Variants in TPCN1 observed in about 807,000 individuals in gnomAD.
TPCN1 encodes the protein two pore segment channel 1.
TPCN1 carries 52 observed loss-of-function variants against 108.8 expected under a neutral mutation model. That is an observed-to-expected ratio of 0.48 (90% CI 0.38 to 0.60). The LOEUF is 0.60. Ranked by LOEUF, TPCN1 falls within the 20% of genes least tolerant of loss-of-function variation. The pLI, the probability that TPCN1 is intolerant of heterozygous loss-of-function variation, is 0.00. For synonymous variants in TPCN1, 446 were observed against 433.7 expected, an observed-to-expected ratio of 1.03 and a Z score of -0.35; for missense variants, 806 against 1,072.8, an observed-to-expected ratio of 0.75 and a Z score of 3.47.
intron 3 of TPCN1, among the ~76,000 whole-genome samples, chr12:113,262,549 T>A (rs1367362261): frequency 6.6e-6 from 1 of 152,188 alleles, no homozygotes; most frequent in East Asian, 1.9e-4. Context: ...AACAGAATGT[T>A]TTAGGGAAAT....
intron 22 of TPCN1, among the ~76,000 whole-genome samples, 160 bp from the exon 23 acceptor site, chr12:113,290,792 G>A (rs1956242060): frequency 1.3e-5 from 2 of 152,230 alleles, no homozygotes; most frequent in African/African-American, 2.4e-5. Context: ...CGCCCTAGGA[G>A]TGCCTTGCCT....
In TPCN1 at chr12:113,289,223, CGGACACGTGCA is replaced by C. The variant is rs1290908996; in HGVS notation, c.1796+380_1796+390del. 6.6e-6 allele frequency among the ~76,000 whole-genome samples: 1 copy of C among 152,180 alleles called. No individual in the cohort carries two copies. The highest frequency in any genetic ancestry group is 1.5e-5 in the Non-Finnish European group (1 of 68,042). On this transcript the variant is annotated intron_variant, in intron 21 of 27. Coordinates refer to ENST00000335509, the MANE Select transcript of TPCN1 (RefSeq NM_017901.6). The surrounding 1 kb of genome is among the most constrained non-coding windows in gnomAD (Gnocchi z 4.1). The stretch of plus-strand genomic sequence containing the variant: ...GGACAGCATCGTAGGATAAGACAGA[CGGACACGTGCA>C]GGAAGGTCATGGTGCTCAGGGATGG...
rs894520642 is a variant in TPCN1, at chr12:113,242,114, A to C, written c.112+15150A>C. The stretch of plus-strand genomic sequence containing the variant: ...TCCATCTCAGGAAGGAGGATTAGAC[A>C]ATAAAAATGACCGTGGCGGCCCCTG... On this transcript the variant is annotated intron_variant, in intron 2 of 27. Transcript: ENST00000335509. Among the ~76,000 whole-genome samples, 5 of 152,316 alleles carry C rather than the reference A, an allele frequency of 3.3e-5. No homozygotes were observed. In the East Asian group the frequency reaches 7.7e-4, roughly 23 times the overall value.
chr12:113,277,326 C>A lies in TPCN1; in HGVS notation c.1146C>A (p.Thr382=). ...PRMSARERYL[T]FKALNQNNTP... ...TGAGTGCCAGGGAGCGCTATCTTACCTTCAAGGCCCTGAATCAGAACAACA... is the reference window on the plus strand; with the variant it reads ...TGAGTGCCAGGGAGCGCTATCTTACATTCAAGGCCCTGAATCAGAACAACA... Residue 382 remains threonine (T), a synonymous_variant, in exon 12 of 28, where the codon ACC becomes ACA. Coordinates refer to ENST00000335509, the MANE Select transcript of TPCN1 (RefSeq NM_017901.6). 6.2e-7 allele frequency: 1 copy of A among 1,614,192 alleles called. No homozygotes were observed. The highest frequency in any genetic ancestry group is 8.5e-7 in the Non-Finnish European group (1 of 1,180,032).
chr12:113,247,583 G>A (rs935616044), intron 2 of TPCN1, among the ~76,000 whole-genome samples: 5 of 152,232 alleles, frequency 3.3e-5, no homozygotes, highest in Non-Finnish European at 7.3e-5. Context: ...CACTCCACGA[G>A]GTGGCCCAGC....
intron 2 of TPCN1, among the ~76,000 whole-genome samples, chr12:113,233,224 G>C (rs1436514444): frequency 6.6e-6 from 1 of 152,150 alleles, no homozygotes; most frequent in Non-Finnish European, 1.5e-5. Context: ...CACACAAGAC[G>C]CTGCCGCTCT....
At position 113,226,819 on chromosome 12, in the gene TPCN1, A is replaced by G. The variant is rs142521727; in HGVS notation, c.-34A>G. On this transcript the variant is annotated 5_prime_UTR_variant, in exon 2 of 28. Coordinates refer to ENST00000335509, the MANE Select transcript of TPCN1 (RefSeq NM_017901.6). Reference sequence around the variant, plus strand: ...AACCAGAGACTATTTCAAGCCCTGGATATCATATCCTGAGGGCCACAGGAG... The same window carrying G: ...AACCAGAGACTATTTCAAGCCCTGGGTATCATATCCTGAGGGCCACAGGAG... 5 of 1,613,930 alleles carry G rather than the reference A, an allele frequency of 3.1e-6. No individual in the cohort carries two copies. The highest frequency in any genetic ancestry group is 4.2e-6 in the Non-Finnish European group (5 of 1,179,996).
chr12:113,269,959 G>A lies in TPCN1; in HGVS notation c.748+114G>A. ...CGCCTGTAATCCTAGCATTTTGGGA[G>A]GCCAAGGTGGGTGGGTAACCTAGGT... On this transcript the variant is annotated intron_variant, in intron 7 of 27. Transcript: ENST00000335509. This position sits in a 1 kb window ranked among gnomAD's most constrained non-coding sequence, Gnocchi z 5.0. The A allele has an allele frequency of 8.8e-7, 1 of 1,140,246 alleles. No homozygotes were observed. Among genetic ancestry groups the A allele is most frequent in the Non-Finnish European group, 1.3e-6 (1 of 780,650 alleles). 70.6% of individuals were successfully genotyped at this position (1,140,246 alleles called of 1,614,324 possible).
Position 113,284,485 on chromosome 12 carries a change from G to T in TPCN1, c.1343-96G>T. 1 of 1,396,188 alleles carries T rather than the reference G, an allele frequency of 7.2e-7. No homozygotes were observed. The highest frequency in any genetic ancestry group is 1.2e-5 in the South Asian group (1 of 84,856). 86.5% of individuals were successfully genotyped at this position (1,396,188 alleles called of 1,614,324 possible). On this transcript the variant is annotated intron_variant, in intron 15 of 27. Coordinates refer to ENST00000335509, the MANE Select transcript of TPCN1 (RefSeq NM_017901.6). This position sits in a 1 kb window ranked among gnomAD's most constrained non-coding sequence, Gnocchi z 4.1. ...GCAGCCCTGTTCTCCCCATCCCGTAGAGCTCCAGGAAGTTAACCAGGGACT... is the reference window on the plus strand; with the variant it reads ...GCAGCCCTGTTCTCCCCATCCCGTATAGCTCCAGGAAGTTAACCAGGGACT...
In TPCN1 at chr12:113,273,993, T is replaced by C. The variant is rs983153400; in HGVS notation, c.942+325T>C. ...AGTTGACCCTCGGTGTCCACAGGGA[T>C]TGTTTGCAGGACCCCCTGTAGGTAC... is the stretch of plus-strand genomic sequence containing the variant. On this transcript the variant is annotated intron_variant, in intron 10 of 27. Transcript: ENST00000335509. This position sits in a 1 kb window ranked among gnomAD's most constrained non-coding sequence, Gnocchi z 4.0. Among the ~76,000 whole-genome samples the C allele has an allele frequency of 6.6e-6, 1 of 152,190 alleles. No homozygotes were observed. The highest frequency in any genetic ancestry group is 1.5e-5 in the Non-Finnish European group (1 of 68,042).
At position 113,289,387 on chromosome 12, in the gene TPCN1, A is replaced by G. The variant is rs1228252703; in HGVS notation, c.1796+540A>G. On this transcript the variant is annotated intron_variant, in intron 21 of 27. Coordinates refer to ENST00000335509, the MANE Select transcript of TPCN1 (RefSeq NM_017901.6). The surrounding 1 kb of genome is among the most constrained non-coding windows in gnomAD (Gnocchi z 4.1). ...TCTTACATTTGGTCTTTACAGCCTC[A>G]AGCACCGATGAAGAAACAGTTTTAC... 6.6e-6 allele frequency among the ~76,000 whole-genome samples: 1 copy of G among 152,186 alleles called. No homozygotes were observed. Among genetic ancestry groups the G allele is most frequent in the Non-Finnish European group, 1.5e-5 (1 of 68,030 alleles).
chr12:113,238,661 C>T (rs1247008400), intron 2 of TPCN1, among the ~76,000 whole-genome samples: 1 of 152,204 alleles, frequency 6.6e-6, no homozygotes, highest in Non-Finnish European at 1.5e-5. Context: ...GGTTGTGTTT[C>T]CACAGTCTCT....
intron 14 of TPCN1, among the ~76,000 whole-genome samples, 196 bp from the exon 15 acceptor site, chr12:113,279,955 G>A (rs946506652): frequency 2.6e-5 from 4 of 152,110 alleles, no homozygotes; most frequent in Admixed American, 6.6e-5. Flanking sequence ...CTGGGGGTCT[G>A]AGCAGAAGCA....
rs747117635 is a variant in TPCN1 at position 113,226,882 on chromosome 12, G to T, written c.30G>T (p.Pro10=). ...CTGTGAGTTTGGATGACGACGTGCC[G>T]CTCATCCTGACCTTGGATGAGGGTG... MAVSLDDDV[P]LILTLDEGGS... The change falls in exon 2 of 28, where the codon CCG becomes CCT. Residue 10 remains proline (P), a synonymous_variant. Coordinates refer to ENST00000335509, the MANE Select transcript of TPCN1 (RefSeq NM_017901.6). The T allele has an allele frequency of 6.2e-7, 1 of 1,614,106 alleles. No homozygotes were observed. The highest frequency in any genetic ancestry group is 1.1e-5 in the South Asian group (1 of 91,078).
At chr12:113,291,803 G>C in intron 24 of TPCN1, 71 bp from the exon 25 acceptor site, 3 of 1,568,438 alleles carry the variant, frequency 1.9e-6, no homozygotes, top group African/African-American at 1.3e-5. Flanking sequence ...GTTGGGCGTG[G>C]GCTGCGCAGC....
At chr12:113,250,653 T>C (rs908338737) in intron 2 of TPCN1, among the ~76,000 whole-genome samples, 2 of 152,168 alleles carry the variant, frequency 1.3e-5, no homozygotes, top group African/African-American at 4.8e-5. Flanking sequence ...TTAGAATATT[T>C]TCATTAAGAA....
Position 113,232,190 on chromosome 12 carries a change from C to T in TPCN1, c.112+5226C>T, listed in dbSNP as rs1953712334. 1.3e-5 allele frequency among the ~76,000 whole-genome samples: 2 copies of T among 152,214 alleles called. No homozygotes were observed. The highest frequency in any genetic ancestry group is 4.8e-5 in the African/African-American group (2 of 41,450). On this transcript the variant is annotated intron_variant, in intron 2 of 27. Transcript: ENST00000335509. This position sits in a 1 kb window ranked among gnomAD's most constrained non-coding sequence, Gnocchi z 5.6. ...CAGGTGACAGGTCCTGCAGCTAAGG[C>T]CCAAGGTCACAGCGCAGAGAGCTGA... is the stretch of plus-strand genomic sequence containing the variant.
intron 18 of TPCN1, among the ~76,000 whole-genome samples, chr12:113,286,291 C>G (rs544377220): frequency 5.3e-4 from 81 of 152,352 alleles, no homozygotes; most frequent in South Asian, 4.6e-3. Context: ...ATGCTCCCCC[C>G]CTTCCTTGAT....
chr12:113,279,925 T>C (rs892097788), intron 14 of TPCN1, among the ~76,000 whole-genome samples: 14 of 152,138 alleles, frequency 9.2e-5, no homozygotes, highest in African/African-American at 2.9e-4. Context: ...CCAGAGCAGC[T>C]GTAGTCAGTG....
Sources: allele counts gnomAD v4.1 joint callset (sites outside exome capture counted in the v4.1 genomes callset), GRCh38; gene constraint gnomAD v4.1.1; non-coding constraint Gnocchi (gnomAD v3.1); transcripts MANE v1.5; gene names NCBI Gene and HGNC (gene_info 2026-07-23, HGNC 2026-07-21).